DST: variants seen among roughly 807,000 people sequenced by gnomAD.
DST encodes the protein bullous pemphigoid antigen.
In DST, 253 loss-of-function variants were observed where a neutral mutation model predicts 875.2. That is an observed-to-expected ratio of 0.29 (90% confidence interval 0.26 to 0.32). The LOEUF (loss-of-function observed/expected upper bound fraction) is 0.32. DST is among the 10% of genes least tolerant of loss of function. The probability of loss-of-function intolerance (pLI) is 1.00; values close to 1 mark genes in which losing one functional copy is unlikely to be tolerated. For synonymous variants in DST, 3,124 were observed against 3,197.1 expected (o/e 0.98, Z 0.77); for missense variants, 8,287 against 9,111.6 (o/e 0.91, Z 3.68).
intron 36 of DST, among the ~76,000 whole-genome samples, chr6:56,623,109 C>T (rs1275652948): frequency 1.3e-5 from 2 of 152,038 alleles, no homozygotes; most frequent in East Asian, 3.9e-4. Flanking sequence ...ACTGTATTTG[C>T]TGGTTTCAAT....
intron 4 of DST, among the ~76,000 whole-genome samples, chr6:56,745,360 G>T (rs1405684772): frequency 6.6e-6 from 1 of 152,178 alleles, no homozygotes; most frequent in Non-Finnish European, 1.5e-5. Flanking sequence ...ATATTGTAAG[G>T]TGTTAAGAAA....
At chr6:56,837,534 T>C (rs73457723) in intron 4 of DST, among the ~76,000 whole-genome samples, 1 of 152,248 alleles carries the variant, frequency 6.6e-6, no homozygotes, top group East Asian at 1.9e-4. Context: ...TCTAACTTCC[T>C]GCTGGGGATC....
intron 85 of DST, 130 bp from the exon 86 acceptor site, chr6:56,489,739 A>G: frequency 1.2e-6 from 1 of 865,864 alleles, no homozygotes; most frequent in Non-Finnish European, 1.6e-6. Context: ...TTTCCACTGA[A>G]GAAGAAAAAA....
chr6:56,742,176 G>A (rs1244715559), intron 4 of DST: 1 of 730,692 alleles, frequency 1.4e-6, no homozygotes, highest in Non-Finnish European at 2.1e-6. Context: ...CCGACAATCA[G>A]CTGAACTATC....
chr6:56,793,554 A>G (rs1286528948), intron 4 of DST, among the ~76,000 whole-genome samples: 1 of 152,250 alleles, frequency 6.6e-6, no homozygotes, highest in African/African-American at 2.4e-5. Flanking sequence ...TAAGACAGAC[A>G]AGAACACTAT....
At chr6:56,537,143 C>T (rs1584379982) in intron 61 of DST, among the ~76,000 whole-genome samples, 1 of 152,144 alleles carries the variant, frequency 6.6e-6, no homozygotes, top group African/African-American at 2.4e-5. Flanking sequence ...ACATCAAAAA[C>T]ATTTGAGAAT....
Position 56,871,727 on chromosome 6 carries a change from A to G in DST, c.418-20123T>C, listed in dbSNP as rs139167701. 250 of 622,438 alleles carry G rather than the reference A, an allele frequency of 4.0e-4. 3 individuals are homozygous for G. The highest frequency in any genetic ancestry group is 3.7e-3 in the African/African-American group (202 of 54,414). 38.6% of individuals were successfully genotyped at this position (622,438 alleles called of 1,614,324 possible). On this transcript the variant is annotated intron_variant, in intron 3 of 103. Transcript: ENST00000680361. The stretch of plus-strand genomic sequence containing the variant: ...CCCAGAAGAAACTGAAGAAACAAAA[A>G]CTTACAGCACAGGAGTAAATTCAGC...
intron 3 of DST, among the ~76,000 whole-genome samples, chr6:56,860,553 A>G (rs918827050): frequency 3.3e-5 from 5 of 152,170 alleles, no homozygotes; most frequent in African/African-American, 1.2e-4. Flanking sequence ...ATGCTGGCTC[A>G]GGCTCCCGAC....
chr6:56,678,372 T>C (rs1163617516), intron 9 of DST, among the ~76,000 whole-genome samples: 2 of 152,190 alleles, frequency 1.3e-5, no homozygotes, highest in Non-Finnish European at 2.9e-5. Flanking sequence ...CTAAACCAAT[T>C]ATCTGGCTTC....
intron 2 of DST, among the ~76,000 whole-genome samples, chr6:56,946,188 G>A (rs1194813064): frequency 6.6e-6 from 1 of 152,136 alleles, no homozygotes; most frequent in African/African-American, 2.4e-5. Flanking sequence ...TTAAGAGGGT[G>A]TTGTCTAGAA....
intron 48 of DST, among the ~76,000 whole-genome samples, chr6:56,593,019 C>G (rs1179441849): frequency 6.6e-6 from 1 of 152,022 alleles, no homozygotes; most frequent in African/African-American, 2.4e-5. Context: ...AGAGGATAAT[C>G]TGAGATGAAA....
Position 56,497,872 on chromosome 6 carries a change from T to C in DST, c.20078A>G (p.Asp6693Gly). The C allele has an allele frequency of 6.2e-7, 1 of 1,610,770 alleles. No individual in the cohort carries two copies. Among genetic ancestry groups the C allele is most frequent in the East Asian group, 2.2e-5 (1 of 44,832 alleles). The change falls in exon 81 of 104, where the codon GAT becomes GGT. Residue 6693 changes from aspartate to glycine, a missense_variant. Physicochemically the swap from Asp to Gly is moderately conservative, Grantham distance 94 (BLOSUM62 -1). This residue lies in a region of DST where 1,292 missense variants were observed against 1,552.7 expected (regional missense o/e 0.83). Coordinates refer to ENST00000680361, the MANE Select transcript of DST (RefSeq NM_001374736.1). ...CTTACTCACCTGGCGCAAGGCACCATCCAGCTGCTGCTTCCTTTGTTCTGT... is the reference window on the plus strand; with the variant it reads ...CTTACTCACCTGGCGCAAGGCACCACCCAGCTGCTGCTTCCTTTGTTCTGT... Reference protein sequence around the residue: ...EKTEQRKQQLDGALRQAKGFH... With the variant: ...EKTEQRKQQLGGALRQAKGFH...
At chr6:56,603,168 T>G (rs2098461081) in intron 42 of DST, 37 bp downstream of exon 42, 1 of 1,561,186 alleles carries the variant, frequency 6.4e-7, no homozygotes. Flanking sequence ...TAATAAAATT[T>G]TCTTCATAAA....
chr6:56,893,081 G>A (rs1363662961), intron 3 of DST, among the ~76,000 whole-genome samples: 1 of 152,152 alleles, frequency 6.6e-6, no homozygotes, highest in Non-Finnish European at 1.5e-5. Flanking sequence ...GTGGTGATTT[G>A]TGAGATTTTG....
At position 56,836,331 on chromosome 6, in the gene DST, A is replaced by G. The variant is rs80063783; in HGVS notation, c.625+15066T>C. Among the ~76,000 whole-genome samples, 2,155 of 152,328 alleles carry G rather than the reference A, an allele frequency of 0.014. 125 individuals are homozygous for G. The East Asian group carries it at 0.2, about 14-fold the overall frequency. On this transcript the variant is annotated intron_variant, in intron 4 of 103. Transcript: ENST00000680361. ...GCTATGCGACTCTTTAAACTTACAT[A>G]TATACATAACATATATGTATTTCAT...
In DST at chr6:56,552,417, G is replaced by A. The variant is rs1488645768; in HGVS notation, c.16375C>T (p.Leu5459Phe). Reference sequence around the variant, plus strand: ...TCCAAGTCCCTTTTGATTCCAACAAGGTCAGGAGAGGTTTCTTCTGTGGCT... The same window carrying A: ...TCCAAGTCCCTTTTGATTCCAACAAAGTCAGGAGAGGTTTCTTCTGTGGCT... ...MLATEETSPD[L>F]VGIKRDLEAL... Residue 5459 changes from leucine to phenylalanine, a missense_variant, in exon 61 of 104, where the codon CTT becomes TTT. Physicochemically the swap from Leu to Phe is conservative, Grantham distance 22. This residue lies in a region of DST where 777 missense variants were observed against 764.8 expected (regional missense o/e 1.02). Transcript: ENST00000680361. The A allele has an allele frequency of 6.2e-7, 1 of 1,613,994 alleles. No homozygotes were observed. Among genetic ancestry groups the A allele is most frequent in the Non-Finnish European group, 8.5e-7 (1 of 1,179,890 alleles).
chr6:56,492,157 A>G (rs1469896559), intron 85 of DST, 70 bp downstream of exon 85: 1 of 1,317,344 alleles, frequency 7.6e-7, no homozygotes. Flanking sequence ...AAGTACATCC[A>G]TAACATATAT....
In DST at chr6:56,898,993, G is replaced by A. The variant is rs57700174; in HGVS notation, c.417+1428C>T. Among the ~76,000 whole-genome samples the A allele has an allele frequency of 8.8e-3, 1,344 of 152,180 alleles. 21 individuals carry two copies. Among genetic ancestry groups the A allele is most frequent in the African/African-American group, 0.031 (1,275 of 41,516 alleles). On this transcript the variant is annotated intron_variant, in intron 3 of 103. Coordinates refer to ENST00000680361, the MANE Select transcript of DST (RefSeq NM_001374736.1). ...AACAGATGGTAGAGGTACATGCTTG[G>A]GTTCTGGAGGCAGGCCACCTAGATC...
At chr6:56,624,120 G>C (rs546305789) in intron 36 of DST, among the ~76,000 whole-genome samples, 36 of 152,002 alleles carry the variant, frequency 2.4e-4, no homozygotes, top group Non-Finnish European at 4.0e-4. Context: ...AATTTAAAAT[G>C]CATAAGACAA....
Sources: allele counts gnomAD v4.1 joint callset (sites outside exome capture counted in the v4.1 genomes callset), GRCh38; gene constraint gnomAD v4.1.1; regional missense constraint gnomAD v4.1.1; transcripts MANE v1.5; gene names NCBI Gene and HGNC (gene_info 2026-07-23, HGNC 2026-07-21).